The following THSD7A variants were observed in gnomAD, a reference collection of about 807,000 sequenced individuals.
The protein encoded by THSD7A is thrombospondin type 1 domain containing 7A.
In THSD7A, 96 loss-of-function variants were observed where a neutral mutation model predicts 231.3. The observed-to-expected ratio is 0.41, with a 90% CI of 0.35 to 0.49. The LOEUF (loss-of-function observed/expected upper bound fraction) is 0.49. Among genes scored for constraint, THSD7A ranks in the 20% least tolerant of loss-of-function variants. The pLI is 0.05. For synonymous variants in THSD7A, 940 were observed against 743.3 expected, an observed-to-expected ratio of 1.26 and a Z score of -4.30; for missense variants, 2,290 against 2,070.2, an observed-to-expected ratio of 1.11 and a Z score of -2.06.
intron 23 of THSD7A, among the ~76,000 whole-genome samples, chr7:11,389,522 G>A (rs998870729): frequency 4.2e-5 from 6 of 141,422 alleles, no homozygotes; most frequent in East Asian, 2.1e-4. Flanking sequence ...GTCTTTGCAC[G>A]TGAGATGGGT....
rs577999235 is a variant in THSD7A, at chr7:11,595,981, G to A, written c.1023-2479C>T. Among the ~76,000 whole-genome samples, 6 of 152,274 alleles carry A rather than the reference G, an allele frequency of 3.9e-5. No individual in the cohort carries two copies. In the East Asian group the frequency reaches 5.8e-4, roughly 15 times the overall value. On this transcript the variant is annotated intron_variant, in intron 2 of 27. Transcript: ENST00000423059. ...AAGTGAAATTGATAGGAAGCCTACC[G>A]TATTCCTACTTAATTTATATAGGCA...
chr7:11,451,657 A>C lies in THSD7A; in HGVS notation c.2606-4233T>G, dbSNP rs776876093. 4.6e-5 allele frequency among the ~76,000 whole-genome samples: 7 copies of C among 152,048 alleles called. No homozygotes were observed. In the South Asian group the frequency reaches 1.2e-3, roughly 27 times the overall value. On this transcript the variant is annotated intron_variant, in intron 11 of 27. Transcript: ENST00000423059. The stretch of plus-strand genomic sequence containing the variant: ...TAAATTGAGTTTCAAGCTATGTTTT[A>C]AAGAGAAAAATAATAAAGGTTCATG...
At chr7:11,606,775 T>C (rs1780747386) in intron 2 of THSD7A, among the ~76,000 whole-genome samples, 1 of 152,082 alleles carries the variant, frequency 6.6e-6, no homozygotes. Context: ...AATATTCATT[T>C]TGTGTAAAGC....
intron 7 of THSD7A, among the ~76,000 whole-genome samples, chr7:11,479,726 C>T (rs147847731): frequency 1.0e-3 from 158 of 152,242 alleles, no homozygotes; most frequent in African/African-American, 3.3e-3. Flanking sequence ...TCTCATAAAA[C>T]ATGTTTCAGT....
chr7:11,562,907 T>C (rs1372394015), intron 4 of THSD7A, among the ~76,000 whole-genome samples: 14 of 152,214 alleles, frequency 9.2e-5, no homozygotes, highest in Admixed American at 9.2e-4. Flanking sequence ...TGTGTGGTAG[T>C]AATTTCAGGT....
intron 23 of THSD7A, among the ~76,000 whole-genome samples, chr7:11,387,020 T>A (rs926831647): frequency 1.3e-5 from 2 of 152,164 alleles, no homozygotes; most frequent in African/African-American, 4.8e-5. Flanking sequence ...CAGATGGTTG[T>A]AGATGTGTGG....
At chr7:11,771,766 GTTGGGGCCTAGTGGGAGGTGA>G (rs1349973679) in intron 1 of THSD7A, among the ~76,000 whole-genome samples, 2 of 152,206 alleles carry the variant, frequency 1.3e-5, no homozygotes, top group African/African-American at 4.8e-5. Flanking sequence ...CAATGCTGGA[GTTGGGGCCTAGTGGGAGGTGA>G]TTGGATCATG....
In THSD7A at chr7:11,379,635, T is replaced by A; in HGVS notation, c.4585A>T (p.Ser1529Cys). The A allele has an allele frequency of 1.3e-6, 2 of 1,580,816 alleles. No homozygotes were observed. Among genetic ancestry groups the A allele is most frequent in the Non-Finnish European group, 1.7e-6 (2 of 1,162,534 alleles). ...CCTGATGAATTTTCACATACCTCGC[T>A]ACAGTACGAGTGGGGTTGACTACAC... ...PPCSQPHSYCSETKTCHCEEG... is the reference protein window; with the variant it reads ...PPCSQPHSYCCETKTCHCEEG... The change falls in exon 25 of 28, where the codon AGC (serine) becomes TGC (cysteine). Residue 1529 changes from serine (S) to cysteine (C), a missense_variant. By Grantham distance (112) the Ser-to-Cys change is moderately radical. Coordinates refer to ENST00000423059, the MANE Select transcript of THSD7A (RefSeq NM_015204.3).
chr7:11,618,035 T>C (rs1448302510), intron 2 of THSD7A, among the ~76,000 whole-genome samples: 1 of 152,188 alleles, frequency 6.6e-6, no homozygotes, highest in African/African-American at 2.4e-5. Flanking sequence ...TGAAAGCATC[T>C]AGAAATATCT....
At chr7:11,700,320 G>A (rs1256318204) in intron 1 of THSD7A, among the ~76,000 whole-genome samples, 1 of 151,008 alleles carries the variant, frequency 6.6e-6, no homozygotes, top group Admixed American at 6.6e-5. Flanking sequence ...CGTAGTTAAG[G>A]GCACTCATCT....
chr7:11,800,993 G>A (rs1365671794), intron 1 of THSD7A, among the ~76,000 whole-genome samples: 1 of 152,000 alleles, frequency 6.6e-6, no homozygotes, highest in Non-Finnish European at 1.5e-5. Context: ...AAACATATAT[G>A]TCCAAACTCA....
chr7:11,639,560 C>T (rs532329024), intron 1 of THSD7A, among the ~76,000 whole-genome samples: 40 of 152,036 alleles, frequency 2.6e-4, no homozygotes, highest in East Asian at 9.7e-4. Context: ...CCTAGCTACT[C>T]GGGAGGCTGA....
chr7:11,609,503 G>A (rs1410375253), intron 2 of THSD7A, among the ~76,000 whole-genome samples: 2 of 152,194 alleles, frequency 1.3e-5, no homozygotes, highest in Non-Finnish European at 2.9e-5. Context: ...CTGACAAAGA[G>A]TAGTGAACTG....
chr7:11,815,287 G>C (rs1426238907), intron 1 of THSD7A, among the ~76,000 whole-genome samples: 1 of 151,532 alleles, frequency 6.6e-6, no homozygotes, highest in African/African-American at 2.4e-5. Flanking sequence ...GTCTCTGATT[G>C]CAAGTGATGG....
chr7:11,547,678 C>A (rs559096962), intron 4 of THSD7A, among the ~76,000 whole-genome samples: 2 of 152,106 alleles, frequency 1.3e-5, no homozygotes, highest in Non-Finnish European at 2.9e-5. Context: ...GACCACAGCA[C>A]AATAAATACA....
At chr7:11,784,830 A>G (rs1474666346) in intron 1 of THSD7A, among the ~76,000 whole-genome samples, 1 of 152,130 alleles carries the variant, frequency 6.6e-6, no homozygotes, top group African/African-American at 2.4e-5. Flanking sequence ...AAATGTTAAG[A>G]CTATCAAAAT....
At chr7:11,730,104 T>G (rs1436525914) in intron 1 of THSD7A, among the ~76,000 whole-genome samples, 1 of 151,730 alleles carries the variant, frequency 6.6e-6, no homozygotes, top group African/African-American at 2.4e-5. Context: ...TTTTTCCATT[T>G]AGATTTACCT....
chr7:11,726,188 G>A (rs761303771), intron 1 of THSD7A, among the ~76,000 whole-genome samples: 250 of 152,114 alleles, frequency 1.6e-3, no homozygotes, highest in African/African-American at 5.8e-3. Flanking sequence ...ATGCAGCACT[G>A]AATGATACAG....
intron 6 of THSD7A, among the ~76,000 whole-genome samples, chr7:11,496,502 G>A (rs1404866139): frequency 6.6e-6 from 1 of 152,124 alleles, no homozygotes; most frequent in East Asian, 1.9e-4. Flanking sequence ...CATATGACCT[G>A]GGGTTTAGGG....
Sources: allele counts gnomAD v4.1 joint callset (sites outside exome capture counted in the v4.1 genomes callset), GRCh38; gene constraint gnomAD v4.1.1; transcripts MANE v1.5; gene names NCBI Gene and HGNC (gene_info 2026-07-23, HGNC 2026-07-21).